Variants in DAB2IP observed in about 807,000 individuals in gnomAD.
DAB2IP encodes disabled homolog 2-interacting protein.
In DAB2IP, 28 loss-of-function variants were observed where a neutral mutation model predicts 107.2. The ratio of observed to expected loss-of-function variants is 0.26; its 90% CI spans 0.19 to 0.36. The LOEUF is 0.36. Ranked by LOEUF, DAB2IP falls within the 10% of genes least tolerant of loss-of-function variation. The pLI is 1.00. For synonymous variants in DAB2IP, 755 were observed against 706.4 expected (o/e 1.07, Z -1.09); for missense variants, 1,400 against 1,644.7 (o/e 0.85, Z 2.57).
At chr9:121,766,548 C>T (rs756127729) in exon 9 of DAB2IP, 2 of 1,612,712 alleles carry the variant, frequency 1.2e-6, no homozygotes, top group Admixed American at 1.7e-5. Context: ...AGGAGTGCAG[C>T]AGTCGCGGCC....
At chr9:121,692,790 ACT>A (rs925063198) in intron 2 of DAB2IP, among the ~76,000 whole-genome samples, 93 of 151,652 alleles carry the variant, frequency 6.1e-4, no homozygotes, top group African/African-American at 2.2e-3. Flanking sequence ...TCCAGCTGGG[ACT>A]CTCTTTGATG....
In DAB2IP at chr9:121,614,337, C is replaced by CTTTTT. The variant is rs35959966; in HGVS notation, c.40+47126_40+47130dup. Among the ~76,000 whole-genome samples the CTTTTT allele has an allele frequency of 1.1e-3, 113 of 102,692 alleles. 1 individual carries two copies. The highest frequency in any genetic ancestry group is 2.7e-3 in the African/African-American group (69 of 25,976). 67.4% of individuals were successfully genotyped at this position (102,692 alleles called of 152,430 possible). A position where few individuals can be genotyped will look rare whatever the true frequency, so the allele number is the denominator to read the frequency against. On this transcript the variant is annotated intron_variant, in intron 1 of 16. Coordinates refer to the DAB2IP transcript ENST00000259371. Reference sequence around the variant, plus strand: ...TCCCACCTTTGCACTTCTTTCTTTTCTTTTTTTTTTTTTTTTTTTTTGAGA... The same window carrying CTTTTT: ...TCCCACCTTTGCACTTCTTTCTTTTCTTTTTTTTTTTTTTTTTTTTTTTTTTGAGA...
chr9:121,631,644 C>G (rs1009474787), intron 1 of DAB2IP, among the ~76,000 whole-genome samples: 36 of 151,960 alleles, frequency 2.4e-4, no homozygotes, highest in African/African-American at 5.5e-4. Context: ...GGTGAAACCC[C>G]GTCTCTACTA....
chr9:121,780,202 CAA>C (rs1037527586), intron 14 of DAB2IP, among the ~76,000 whole-genome samples: 13 of 152,172 alleles, frequency 8.5e-5, no homozygotes, highest in South Asian at 2.1e-4. Context: ...GTTTTTAAGA[CAA>C]GAGAGTAAAT....
At chr9:121,624,614 A>G (rs1201370408) in intron 1 of DAB2IP, among the ~76,000 whole-genome samples, 2 of 152,174 alleles carry the variant, frequency 1.3e-5, no homozygotes, top group East Asian at 3.9e-4. Flanking sequence ...GCAATTGCCT[A>G]CAGTATTCAG....
At chr9:121,730,733 G>A (rs1271794961) in intron 3 of DAB2IP, among the ~76,000 whole-genome samples, 1 of 152,220 alleles carries the variant, frequency 6.6e-6, no homozygotes, top group Non-Finnish European at 1.5e-5. Flanking sequence ...AGGCACAGCT[G>A]GCACTTTCTA....
intron 1 of DAB2IP, among the ~76,000 whole-genome samples, chr9:121,632,746 C>G (rs143988589): frequency 6.6e-6 from 1 of 152,236 alleles, no homozygotes; most frequent in East Asian, 1.9e-4. Context: ...ACACTGGGAG[C>G]TCCACTTGGG....
At chr9:121,572,262 G>C (rs1484693282) in intron 1 of DAB2IP, among the ~76,000 whole-genome samples, 3 of 152,134 alleles carry the variant, frequency 2.0e-5, no homozygotes, top group African/African-American at 7.3e-5. Context: ...TGTTTTCATT[G>C]TCTGCTCACC....
At chr9:121,737,141 T>TCCCTAC in intron 3 of DAB2IP, 1 of 954,858 alleles carries the variant, frequency 1.0e-6, no homozygotes, top group Non-Finnish European at 1.2e-6. Context: ...GAGGAGCCTG[T>TCCCTAC]AGGGACGGCT....
intron 1 of DAB2IP, among the ~76,000 whole-genome samples, chr9:121,582,770 C>T (rs1045825832): frequency 3.9e-5 from 6 of 152,262 alleles, no homozygotes; most frequent in African/African-American, 7.2e-5. Flanking sequence ...CTCCTCCCTA[C>T]GTGCATTCAT....
chr9:121,572,434 G>A (rs1041912664), intron 1 of DAB2IP, among the ~76,000 whole-genome samples: 19 of 151,740 alleles, frequency 1.3e-4, no homozygotes, highest in Middle Eastern at 3.4e-3. Flanking sequence ...ATAAGTGAGC[G>A]AGAGTGAGTG....
intron 3 of DAB2IP, chr9:121,753,168 G>C (rs1248299006): frequency 6.6e-6 from 1 of 152,314 alleles, no homozygotes; most frequent in Non-Finnish European, 1.5e-5. Context: ...GCCCTGGTTT[G>C]AGACCTGCTT....
intron 1 of DAB2IP, among the ~76,000 whole-genome samples, chr9:121,637,788 G>A (rs1399675343): frequency 8.5e-5 from 13 of 152,200 alleles, no homozygotes; most frequent in Admixed American, 8.5e-4. Flanking sequence ...AAAGATAATG[G>A]GGGAATTTAT....
chr9:121,688,866 CCACTTCTGCCAGCCCCCA>C (rs1343798549), intron 2 of DAB2IP, among the ~76,000 whole-genome samples: 5 of 152,130 alleles, frequency 3.3e-5, no homozygotes, highest in African/African-American at 1.2e-4. Flanking sequence ...CGTGACCTCT[CCACTTCTGCCAGCCCCCA>C]CACTTCTGCC....
In DAB2IP at chr9:121,634,369, C is replaced by A. The variant is rs756393072; in HGVS notation, c.41-44309C>A. ...TCTCTTAGTTCTGACATTTCACAAG[C>A]CTTTGTTTTTTTCTGAATCTGCTCA... is the stretch of plus-strand genomic sequence containing the variant. On this transcript the variant is annotated intron_variant, in intron 1 of 16. Transcript: ENST00000259371. The surrounding 1 kb of genome is among the most constrained non-coding windows in gnomAD (Gnocchi z 4.7). 6.6e-6 allele frequency among the ~76,000 whole-genome samples: 1 copy of A among 152,196 alleles called. No individual in the cohort carries two copies. The highest frequency in any genetic ancestry group is 1.5e-5 in the Non-Finnish European group (1 of 68,034).
intron 3 of DAB2IP, among the ~76,000 whole-genome samples, chr9:121,717,520 T>C (rs1420352467): frequency 6.6e-6 from 1 of 152,222 alleles, no homozygotes; most frequent in Non-Finnish European, 1.5e-5. Context: ...CACACTTGTT[T>C]ATCACACGGT....
At chr9:121,675,657 A>C (rs115048147) in intron 1 of DAB2IP, among the ~76,000 whole-genome samples, 1 of 152,190 alleles carries the variant, frequency 6.6e-6, no homozygotes, top group Non-Finnish European at 1.5e-5. Context: ...GTCCAGACAC[A>C]CTGGACCCTC....
chr9:121,617,990 G>T (rs1007869441), intron 1 of DAB2IP, among the ~76,000 whole-genome samples: 1 of 152,194 alleles, frequency 6.6e-6, no homozygotes, highest in African/African-American at 2.4e-5. Context: ...AAAGGACAGG[G>T]ACCTTTTGTC....
chr9:121,637,454 G>A (rs879554701), intron 1 of DAB2IP, among the ~76,000 whole-genome samples: 16 of 152,192 alleles, frequency 1.1e-4, no homozygotes, highest in Non-Finnish European at 2.2e-4. Context: ...TCATGGCTGT[G>A]GAGCCTTGAA....
Sources: allele counts gnomAD v4.1 joint callset (sites outside exome capture counted in the v4.1 genomes callset), GRCh38; gene constraint gnomAD v4.1.1; non-coding constraint Gnocchi (gnomAD v3.1); transcripts MANE v1.5; gene names NCBI Gene and HGNC (gene_info 2026-07-23, HGNC 2026-07-21).